Variants in ADNP observed in about 807,000 individuals in gnomAD.
The protein encoded by ADNP is activity-dependent neuroprotector homeobox protein.
ADNP carries 4 observed loss-of-function variants against 84.9 expected under a neutral mutation model. The ratio of observed to expected loss-of-function variants is 0.05; its 90% CI spans 0.02 to 0.11. ADNP has a LOEUF of 0.11. ADNP is among the 10% of genes least tolerant of loss of function. The pLI is 1.00. For missense variants in ADNP, 1,132 were observed against 1,326.0 expected, an observed-to-expected ratio of 0.85 and a Z score of 2.27; for synonymous variants, 554 against 468.1, an observed-to-expected ratio of 1.18 and a Z score of -2.37.
At chr20:50,897,260 G>C (rs1008090897) in intron 5 of ADNP, among the ~76,000 whole-genome samples, 1 of 152,174 alleles carries the variant, frequency 6.6e-6, no homozygotes, top group South Asian at 2.1e-4. Context: ...CAGACTTAAG[G>C]AGCTTGCTGA....
intron 2 of ADNP, among the ~76,000 whole-genome samples, chr20:50,924,314 T>C (rs539146035): frequency 6.6e-6 from 1 of 152,238 alleles, no homozygotes; most frequent in African/African-American, 2.4e-5. Context: ...TTTACACCCA[T>C]ACTCTCCCTG....
intron 2 of ADNP, among the ~76,000 whole-genome samples, chr20:50,917,793 C>T (rs901488856): frequency 6.6e-6 from 1 of 152,116 alleles, no homozygotes; most frequent in African/African-American, 2.4e-5. Flanking sequence ...ATTCATAATA[C>T]CCCCAAAATA....
intron 5 of ADNP, among the ~76,000 whole-genome samples, chr20:50,897,993 C>G (rs1432003576): frequency 2.6e-5 from 4 of 152,136 alleles, no homozygotes; most frequent in Non-Finnish European, 5.9e-5. Context: ...TGCCAAATCA[C>G]AAAGGGTTTC....
intron 2 of ADNP, among the ~76,000 whole-genome samples, chr20:50,910,912 G>A (rs1054545650): frequency 2.3e-4 from 35 of 152,104 alleles, no homozygotes; most frequent in Admixed American, 2.0e-3. Context: ...CCTCGGCCCC[G>A]CAAAGTGTTG....
At chr20:50,909,390 A>AAAAAAAAAAAG in intron 2 of ADNP, 1 of 147,110 alleles carries the variant, frequency 6.8e-6, no homozygotes, top group East Asian at 1.9e-4. Flanking sequence ...AAAAAAAAAA[A>AAAAAAAAAAAG]AAAGAAATCA....
At chr20:50,906,099 C>A (rs1337886333) in intron 2 of ADNP, among the ~76,000 whole-genome samples, 2 of 152,158 alleles carry the variant, frequency 1.3e-5, no homozygotes, top group Non-Finnish European at 2.9e-5. Context: ...GTAATCCCAG[C>A]TACTCGGGAG....
chr20:50,913,892 TG>T (rs1178473160), intron 2 of ADNP: 102 of 620,838 alleles, frequency 1.6e-4, no homozygotes, highest in South Asian at 1.3e-3. Flanking sequence ...CATAAATTAT[TG>T]AATTTTTGTT....
chr20:50,889,064 T>G lies in ADNP; in HGVS notation c.*2341A>C, dbSNP rs894166146. 1 of 152,204 alleles carries G rather than the reference T, an allele frequency of 6.6e-6. No individual in the cohort carries two copies. Among genetic ancestry groups the G allele is most frequent in the Non-Finnish European group, 1.5e-5 (1 of 68,032 alleles). 9.4% of individuals were successfully genotyped at this position (152,204 alleles called of 1,614,324 possible). On this transcript the variant is annotated 3_prime_UTR_variant, in exon 6 of 6. Coordinates refer to ENST00000621696, the MANE Select transcript of ADNP (RefSeq NM_001282531.3). ...GCAACAATATTCTTTTAAAATGGCT[T>G]TTATTGAGACACTTGTAGGGATTCT...
In ADNP at chr20:50,890,130, T is replaced by TAAAAAA. The variant is rs1980513723; in HGVS notation, c.*1274_*1275insTTTTTT. 1 of 105,808 alleles carries TAAAAAA rather than the reference T, an allele frequency of 9.5e-6. No individual in the cohort carries two copies. The highest frequency in any genetic ancestry group is 1.6e-5 in the Non-Finnish European group (1 of 62,956). The allele number at this position is 105,808 out of a possible 1,614,324, so 6.6% of individuals were successfully genotyped here. A position where few individuals can be genotyped will look rare whatever the true frequency, so the allele number is the denominator to read the frequency against. ...AAACTCAAGGGTGTTTGTTTTTCAG[T>TAAAAAA]TAAAAAAAAAAAAAAAAAAAAAAAA... On this transcript the variant is annotated 3_prime_UTR_variant, in exon 6 of 6. Transcript: ENST00000621696.
intron 2 of ADNP, among the ~76,000 whole-genome samples, chr20:50,919,291 G>GTATGTATATATATATATATATATATA (rs1983759904): frequency 1.3e-5 from 1 of 77,214 alleles, no homozygotes; most frequent in African/African-American, 4.8e-5. Flanking sequence ...ATATTTAAGT[G>GTATGTATATATATATATATATATATA]TATATATATA....
chr20:50,890,154 A>AAG lies in ADNP; in HGVS notation c.*1250_*1251insCT, dbSNP rs1980526906. ...GTTAAAAAAAAAAAAAAAAAAAAAA[A>AAG]AAAAAAAGAAAAACAGATTTTGTAC... On this transcript the variant is annotated 3_prime_UTR_variant, in exon 6 of 6. Coordinates refer to ENST00000621696, the MANE Select transcript of ADNP (RefSeq NM_001282531.3). The AAG allele has an allele frequency of 8.2e-6, 2 of 244,482 alleles. No individual in the cohort carries two copies. The highest frequency in any genetic ancestry group is 3.6e-4 in the South Asian group (2 of 5,592). 15.1% of individuals were successfully genotyped at this position (244,482 alleles called of 1,614,324 possible).
At position 50,889,569 on chromosome 20, in the gene ADNP, C is replaced by T. The variant is rs752094340; in HGVS notation, c.*1836G>A. On this transcript the variant is annotated 3_prime_UTR_variant, in exon 6 of 6. Coordinates refer to ENST00000621696, the MANE Select transcript of ADNP (RefSeq NM_001282531.3). ...TAGGGAGAGGCTGGTCAAATCTCTACTCTCTGGTAACAGCATTAACAAGAG... is the reference window on the plus strand; with the variant it reads ...TAGGGAGAGGCTGGTCAAATCTCTATTCTCTGGTAACAGCATTAACAAGAG... 2 of 275,558 alleles carry T rather than the reference C, an allele frequency of 7.3e-6. No homozygotes were observed. Among genetic ancestry groups the T allele is most frequent in the Non-Finnish European group, 6.7e-6 (1 of 148,664 alleles). The allele number at this position is 275,558 out of a possible 1,614,324, so 17.1% of individuals were successfully genotyped here.
intron 2 of ADNP, among the ~76,000 whole-genome samples, chr20:50,910,155 AAGAAC>A (rs1371805555): frequency 5.9e-5 from 9 of 152,218 alleles, no homozygotes; most frequent in South Asian, 2.1e-4. Context: ...GTCTAGTAGA[AAGAAC>A]AGGAGTTTGA....
intron 2 of ADNP, among the ~76,000 whole-genome samples, chr20:50,906,835 G>C (rs1198106467): frequency 1.3e-5 from 2 of 152,046 alleles, no homozygotes; most frequent in African/African-American, 2.4e-5. Flanking sequence ...TATCTATTTT[G>C]AATTTAAAAG....
At chr20:50,911,100 C>T (rs1281320553) in intron 2 of ADNP, among the ~76,000 whole-genome samples, 1 of 152,200 alleles carries the variant, frequency 6.6e-6, no homozygotes, top group Non-Finnish European at 1.5e-5. Context: ...CATGTGCTTT[C>T]TTACAAAGCA....
At chr20:50,896,514 G>T (rs1003526505) in intron 5 of ADNP, among the ~76,000 whole-genome samples, 3 of 151,900 alleles carry the variant, frequency 2.0e-5, no homozygotes, top group Middle Eastern at 6.8e-3. Flanking sequence ...AGCTGAGATC[G>T]TGCCATTGCA....
chr20:50,910,933 T>C lies in ADNP; in HGVS notation c.-89-6084A>G, dbSNP rs143251265. On this transcript the variant is annotated intron_variant, in intron 2 of 5. Coordinates refer to ENST00000621696, the MANE Select transcript of ADNP (RefSeq NM_001282531.3). ...CCCCGCAAAGTGTTGGGATTACAGGTATGGGCCACCGTGCCCAGCCAACGT... is the reference window on the plus strand; with the variant it reads ...CCCCGCAAAGTGTTGGGATTACAGGCATGGGCCACCGTGCCCAGCCAACGT... Among the ~76,000 whole-genome samples, 17 of 152,274 alleles carry C rather than the reference T, an allele frequency of 1.1e-4. No individual in the cohort carries two copies. The East Asian group carries it at 2.1e-3, about 19-fold the overall frequency.
chr20:50,890,022 A>C lies in ADNP; in HGVS notation c.*1383T>G, dbSNP rs1980492124. On this transcript the variant is annotated 3_prime_UTR_variant, in exon 6 of 6. Transcript: ENST00000621696. Reference sequence around the variant, plus strand: ...AGATTCTGCTTGCAAATTAATGCCAATCCATGTTTACATTTTTTTTTTTAT... The same window carrying C: ...AGATTCTGCTTGCAAATTAATGCCACTCCATGTTTACATTTTTTTTTTTAT... The C allele has an allele frequency of 2.7e-6, 1 of 367,708 alleles. No homozygotes were observed. The allele number at this position is 367,708 out of a possible 1,614,324, so 22.8% of individuals were successfully genotyped here. A position where few individuals can be genotyped will look rare whatever the true frequency, so the allele number is the denominator to read the frequency against.
At chr20:50,898,189 T>C (rs1981608109) in intron 5 of ADNP, among the ~76,000 whole-genome samples, 1 of 152,208 alleles carries the variant, frequency 6.6e-6, no homozygotes, top group African/African-American at 2.4e-5. Flanking sequence ...AGACTCAGCT[T>C]ATCTAGAGTT....
Sources: allele counts gnomAD v4.1 joint callset (sites outside exome capture counted in the v4.1 genomes callset), GRCh38; gene constraint gnomAD v4.1.1; transcripts MANE v1.5; gene names NCBI Gene and HGNC (gene_info 2026-07-23, HGNC 2026-07-21).